Variants in LRTM3 observed in about 807,000 individuals in gnomAD.
The protein encoded by LRTM3 is leucine rich repeat transmembrane protein 3.
the LRTM3 span, chr13:102,741,642 G>A: frequency 6.5e-7 from 1 of 1,550,214 alleles, no homozygotes; most frequent in African/African-American, 1.4e-5. Flanking sequence ...AGCAATTCTT[G>A]CTCCTGGCAA....
chr13:102,747,477 T>A, the LRTM3 span: 27 of 1,549,352 alleles, frequency 1.7e-5, no homozygotes, highest in Admixed American at 1.2e-4. Context: ...AATTTTTTTT[T>A]AATTTCCTGC....
the LRTM3 span, chr13:102,734,403 A>G: frequency 1.9e-6 from 3 of 1,551,382 alleles, no homozygotes; most frequent in Non-Finnish European, 2.6e-6. Context: ...AAAGGTTTGG[A>G]AAAGAGTATG....
At chr13:102,731,635 C>T in the LRTM3 span, 1 of 1,551,426 alleles carries the variant, frequency 6.4e-7, no homozygotes, top group Non-Finnish European at 8.7e-7. Flanking sequence ...TATTTTTAAC[C>T]TGGGACTCAG....
At chr13:102,747,210 T>A in the LRTM3 span, 2 of 1,550,712 alleles carry the variant, frequency 1.3e-6, no homozygotes, top group Non-Finnish European at 1.7e-6. Context: ...TTGATATGAC[T>A]GTGATTCTCT....
the LRTM3 span, among the ~76,000 whole-genome samples, chr13:102,751,346 C>T: frequency 2.8e-5 from 1 of 35,864 alleles, no homozygotes; most frequent in African/African-American, 7.8e-5. Flanking sequence ...TCTTTATACA[C>T]ACACACACAC....
At chr13:102,749,542 G>A in the LRTM3 span, 1 of 1,551,272 alleles carries the variant, frequency 6.4e-7, no homozygotes, top group Admixed American at 2.0e-5. Context: ...CAGACTCCAG[G>A]CCCTTTACTG....
the LRTM3 span, chr13:102,750,232 C>T: frequency 6.4e-7 from 1 of 1,551,354 alleles, no homozygotes; most frequent in Non-Finnish European, 8.7e-7. Context: ...TTGAAGATGG[C>T]ACATGACTTT....
chr13:102,731,353 T>A, the LRTM3 span: 1 of 1,551,394 alleles, frequency 6.4e-7, no homozygotes, highest in Non-Finnish European at 8.7e-7. Flanking sequence ...AAATAGTCCC[T>A]TTTGGATAAA....
chr13:102,744,648 G>T, the LRTM3 span: 1 of 1,550,714 alleles, frequency 6.4e-7, no homozygotes, highest in African/African-American at 1.4e-5. Context: ...GATTTGCAAG[G>T]GTCAGGATCT....
the LRTM3 span, chr13:102,735,251 G>A: frequency 2.8e-5 from 44 of 1,551,116 alleles, no homozygotes; most frequent in African/African-American, 1.5e-4. Flanking sequence ...GGTCATATCC[G>A]CAACTTTTTC....
At chr13:102,729,614 A>G in the LRTM3 span, 1 of 1,546,208 alleles carries the variant, frequency 6.5e-7, no homozygotes, top group Non-Finnish European at 8.7e-7. Context: ...GGTTTTGGGT[A>G]TAACCTCCAG....
the LRTM3 span, chr13:102,747,524 A>G: frequency 6.4e-7 from 1 of 1,550,982 alleles, no homozygotes. Context: ...GTGGTTATTG[A>G]AAGACCCCAG....
At chr13:102,749,499 A>G in the LRTM3 span, 2 of 1,551,454 alleles carry the variant, frequency 1.3e-6, no homozygotes, top group Non-Finnish European at 1.7e-6. Context: ...TCTATAAACC[A>G]AACACAATGT....
chr13:102,749,032 T>G, the LRTM3 span: 2 of 1,550,796 alleles, frequency 1.3e-6, no homozygotes, highest in Non-Finnish European at 1.7e-6. Context: ...TGGAATAATT[T>G]TTAACATAAG....
the LRTM3 span, among the ~76,000 whole-genome samples, chr13:102,750,585 G>A: frequency 2.0e-5 from 3 of 152,116 alleles, no homozygotes; most frequent in Non-Finnish European, 4.4e-5. Flanking sequence ...CGGAAAAAGT[G>A]AAGTAAATCA....
chr13:102,742,367 G>T, the LRTM3 span: 3 of 1,546,470 alleles, frequency 1.9e-6, no homozygotes, highest in Non-Finnish European at 2.6e-6. Context: ...AGAAATAGAT[G>T]TGTAGGGATT....
At chr13:102,756,673 TAAAAA>T in the LRTM3 span, among the ~76,000 whole-genome samples, 23,687 of 67,638 alleles carry the variant, frequency 0.35, 3,091 homozygotes, top group Middle Eastern at 0.46. Flanking sequence ...AAACTCTGTC[TAAAAA>T]AAAAAAAAAA....
At chr13:102,731,661 C>T in the LRTM3 span, 2 of 1,551,332 alleles carry the variant, frequency 1.3e-6, no homozygotes, top group East Asian at 2.4e-5. Context: ...GCTTTGGTTG[C>T]TTCACAAATG....
chr13:102,757,418 C>T, the LRTM3 span, among the ~76,000 whole-genome samples: 1 of 152,268 alleles, frequency 6.6e-6, no homozygotes, highest in South Asian at 2.1e-4. Flanking sequence ...TGTGTAACCA[C>T]CAGTAGTGGT....
Sources: gnomAD v4.1 joint callset for allele counts (sites outside exome capture counted in the v4.1 genomes callset) on GRCh38, gnomAD v4.1.1 for gene constraint, MANE v1.5 for transcripts, NCBI Gene and HGNC (gene_info 2026-07-23, HGNC 2026-07-21) for gene names.